The following EPB41L4A variants were observed in gnomAD, a reference collection of about 807,000 sequenced individuals.
EPB41L4A encodes the protein erythrocyte membrane protein band 4.1 like 4A.
EPB41L4A carries 100 observed loss-of-function variants against 108.6 expected under a neutral mutation model. That is an observed-to-expected ratio of 0.92 (90% CI 0.78 to 1.09). EPB41L4A has a LOEUF of 1.09. Ranked by LOEUF, EPB41L4A falls within the 50% of genes least tolerant of loss-of-function variation. The probability of loss-of-function intolerance (pLI) is 0.00; values close to 1 mark genes in which losing one functional copy is unlikely to be tolerated. For missense variants in EPB41L4A, 1,030 were observed against 842.7 expected (o/e 1.22, Z -2.75); for synonymous variants, 319 against 289.0 (o/e 1.10, Z -1.05).
chr5:112,419,007 A>G lies in EPB41L4A; in HGVS notation c.33T>C (p.Phe11=). The change falls in exon 1 of 23, where the codon TTT becomes TTC. Residue 11 remains phenylalanine, a synonymous_variant. Coordinates refer to ENST00000261486, the MANE Select transcript of EPB41L4A (RefSeq NM_022140.5). Reference sequence around the variant, plus strand: ...CATCCAGGAGCAAAACTTCGCAGTAAAATTCTTCCGGAACAGCGCAGAAAC... The same window carrying G: ...CATCCAGGAGCAAAACTTCGCAGTAGAATTCTTCCGGAACAGCGCAGAAAC... MGCFCAVPEE[F]YCEVLLLDES... 1 of 1,613,554 alleles carries G rather than the reference A, an allele frequency of 6.2e-7. No homozygotes were observed. The highest frequency in any genetic ancestry group is 1.1e-5 in the South Asian group (1 of 91,056).
chr5:112,161,762 A>AAGGTG (rs1209552669), downstream of EPB41L4A: 3 of 402,884 alleles, frequency 7.4e-6, no homozygotes, highest in East Asian at 1.2e-4. Context: ...TGGGAGCATA[A>AAGGTG]AGGTGACCTG....
At chr5:112,380,045 T>G (rs140826778) in intron 1 of EPB41L4A, among the ~76,000 whole-genome samples, 11 of 152,318 alleles carry the variant, frequency 7.2e-5, no homozygotes, top group African/African-American at 2.6e-4. Context: ...CTGAGCAGAT[T>G]AATCATTGTT....
chr5:112,184,207 C>T (rs59653731), intron 17 of EPB41L4A, 72 bp from the exon 18 acceptor site: 249,293 of 1,551,554 alleles, frequency 0.16, 20,944 homozygotes, highest in African/African-American at 0.2. Flanking sequence ...CCTAAACTTG[C>T]TTTTAAATGT....
chr5:112,389,237 T>C (rs1322481446), intron 1 of EPB41L4A, among the ~76,000 whole-genome samples: 1 of 151,292 alleles, frequency 6.6e-6, no homozygotes, highest in Non-Finnish European at 1.5e-5. Context: ...ATTTTAAATA[T>C]TTTTTAATGT....
At chr5:112,354,560 T>A (rs1478665516) in intron 1 of EPB41L4A, among the ~76,000 whole-genome samples, 1 of 152,180 alleles carries the variant, frequency 6.6e-6, no homozygotes, top group Non-Finnish European at 1.5e-5. Flanking sequence ...TACTTCAGTT[T>A]TATACAACCC....
intron 22 of EPB41L4A, among the ~76,000 whole-genome samples, chr5:112,165,637 T>G (rs1020951): frequency 0.74 from 113,140 of 152,102 alleles, 43,179 homozygotes; most frequent in East Asian, 1. Flanking sequence ...CCATCATCAC[T>G]GGTGGAGGCT....
At chr5:112,324,247 G>GATAT (rs1755997262) in intron 1 of EPB41L4A, among the ~76,000 whole-genome samples, 2 of 152,110 alleles carry the variant, frequency 1.3e-5, no homozygotes, top group Non-Finnish European at 2.9e-5. Context: ...AAAACTAAGG[G>GATAT]GGGATATTTA....
chr5:112,270,263 G>C (rs1752166153), intron 4 of EPB41L4A, among the ~76,000 whole-genome samples: 1 of 152,118 alleles, frequency 6.6e-6, no homozygotes, highest in African/African-American at 2.4e-5. Context: ...AGGATGTAGG[G>C]ACAGGGAGGA....
intron 9 of EPB41L4A, among the ~76,000 whole-genome samples, chr5:112,242,140 T>C (rs1749837582): frequency 1.3e-5 from 2 of 152,182 alleles, no homozygotes; most frequent in Admixed American, 1.3e-4. Context: ...AAGCTTTCTG[T>C]GTTAATGGAC....
At chr5:112,259,167 A>C in intron 9 of EPB41L4A, 62 bp downstream of exon 9, 1 of 1,280,102 alleles carries the variant, frequency 7.8e-7, no homozygotes, top group Non-Finnish European at 1.1e-6. Flanking sequence ...ATGTCTTTTA[A>C]GCTACAAATG....
At chr5:112,299,710 T>G (rs1754232401) in intron 2 of EPB41L4A, among the ~76,000 whole-genome samples, 1 of 152,202 alleles carries the variant, frequency 6.6e-6, no homozygotes. Context: ...CATTGTTTCT[T>G]TGCTGACTTC....
intron 1 of EPB41L4A, among the ~76,000 whole-genome samples, chr5:112,326,371 G>C (rs557445503): frequency 9.2e-5 from 14 of 152,188 alleles, no homozygotes; most frequent in African/African-American, 3.4e-4. Flanking sequence ...TAGTTCACCA[G>C]AGCCTTTTTG....
At chr5:112,256,885 G>A (rs1228950038) in intron 9 of EPB41L4A, 1 of 152,052 alleles carries the variant, frequency 6.6e-6, no homozygotes, top group Admixed American at 6.6e-5. Flanking sequence ...ATTTTCTACA[G>A]TGAACATGTA....
intron 15 of EPB41L4A, among the ~76,000 whole-genome samples, chr5:112,197,583 T>G (rs1412784143): frequency 6.6e-6 from 1 of 152,200 alleles, no homozygotes; most frequent in Non-Finnish European, 1.5e-5. Flanking sequence ...ACATATCACT[T>G]GCTTAGGGTT....
chr5:112,236,026 A>C (rs1749308933), intron 11 of EPB41L4A, among the ~76,000 whole-genome samples: 1 of 152,202 alleles, frequency 6.6e-6, no homozygotes, highest in African/African-American at 2.4e-5. Flanking sequence ...GATAAGGCCT[A>C]CTTTCAACAG....
intron 1 of EPB41L4A, among the ~76,000 whole-genome samples, chr5:112,315,720 A>G (rs1755388528): frequency 1.3e-5 from 2 of 152,172 alleles, no homozygotes; most frequent in Non-Finnish European, 2.9e-5. Context: ...AGGAAGCCAT[A>G]TATTACATTT....
intron 11 of EPB41L4A, among the ~76,000 whole-genome samples, chr5:112,236,212 T>C (rs1442943375): frequency 2.6e-5 from 4 of 152,186 alleles, no homozygotes; most frequent in African/African-American, 9.7e-5. Context: ...GAGAAAATCA[T>C]ATCCTAAGAT....
chr5:112,384,494 C>T (rs1760371906), intron 1 of EPB41L4A, among the ~76,000 whole-genome samples: 1 of 151,874 alleles, frequency 6.6e-6, no homozygotes. Context: ...TCTGTTGCAA[C>T]CAATCATCAG....
Position 112,358,060 on chromosome 5 carries a change from C to T in EPB41L4A, c.100-50570G>A, listed in dbSNP as rs116525324. Among the ~76,000 whole-genome samples, 1,232 of 152,172 alleles carry T rather than the reference C, an allele frequency of 8.1e-3. 16 individuals are homozygous for T. The highest frequency in any genetic ancestry group is 0.028 in the African/African-American group (1,175 of 41,498). On this transcript the variant is annotated intron_variant, in intron 1 of 22. Coordinates refer to ENST00000261486, the MANE Select transcript of EPB41L4A (RefSeq NM_022140.5). ...TCAGCAAAGGACTTCTTCTCATGAA[C>T]GCTGACCTGGCCTTTGCCAACAATG...
Sources: allele counts gnomAD v4.1 joint callset (sites outside exome capture counted in the v4.1 genomes callset), GRCh38; gene constraint gnomAD v4.1.1; transcripts MANE v1.5; gene names NCBI Gene and HGNC (gene_info 2026-07-23, HGNC 2026-07-21).